MAP2K6: variants seen among roughly 807,000 people sequenced by gnomAD.
MAP2K6 encodes dual specificity mitogen-activated protein kinase kinase 6.
A neutral mutation model predicts 53.7 loss-of-function variants in MAP2K6; 16 were observed. That is an observed-to-expected ratio of 0.30 (90% CI 0.20 to 0.45). The LOEUF is 0.45. MAP2K6 is among the 20% of genes least tolerant of loss of function. The pLI, the probability that MAP2K6 is intolerant of heterozygous loss-of-function variation, is 1.00. For missense variants in MAP2K6, 204 were observed against 411.9 expected (o/e 0.50, Z 4.37); for synonymous variants, 132 against 143.1 (o/e 0.92, Z 0.55).
At chr17:69,435,005 G>A (rs1042886199) in intron 1 of MAP2K6, 2 of 152,184 alleles carry the variant, frequency 1.3e-5, no homozygotes, top group African/African-American at 4.8e-5. Context: ...GCTAGCAGAT[G>A]AAATAACTCA....
chr17:69,496,142 T>G (rs1027853411), intron 1 of MAP2K6, among the ~76,000 whole-genome samples: 1 of 152,150 alleles, frequency 6.6e-6, no homozygotes, highest in African/African-American at 2.4e-5. Context: ...GCACTTTTAT[T>G]CTCTTAAAAT....
intron 1 of MAP2K6, chr17:69,477,281 C>T (rs1401575242): frequency 6.6e-6 from 1 of 152,190 alleles, no homozygotes; most frequent in African/African-American, 2.4e-5. Flanking sequence ...CTAGGAGACT[C>T]ATGAAATTTA....
chr17:69,444,580 G>T (rs1024331868), intron 1 of MAP2K6, among the ~76,000 whole-genome samples: 1 of 152,116 alleles, frequency 6.6e-6, no homozygotes. Flanking sequence ...CTCCCCAACC[G>T]GATGGAGCTG....
At chr17:69,417,731 C>T (rs1415431434) in intron 1 of MAP2K6, among the ~76,000 whole-genome samples, 1 of 151,456 alleles carries the variant, frequency 6.6e-6, no homozygotes, top group African/African-American at 2.4e-5. Flanking sequence ...AAAAATGTGT[C>T]ATCTACACTA....
intron 10 of MAP2K6, among the ~76,000 whole-genome samples, chr17:69,529,094 G>T (rs1027700118): frequency 1.3e-5 from 2 of 152,054 alleles, no homozygotes; most frequent in Non-Finnish European, 2.9e-5. Flanking sequence ...GTCTACCATT[G>T]TGAATCACCA....
At chr17:69,450,101 ATTTTTTTTT>A (rs55956707) in intron 1 of MAP2K6, among the ~76,000 whole-genome samples, 5 of 124,902 alleles carry the variant, frequency 4.0e-5, no homozygotes, top group East Asian at 2.3e-4. Context: ...CACCTGGCTA[ATTTTTTTTT>A]TTTTTTTTTT....
intron 1 of MAP2K6, among the ~76,000 whole-genome samples, chr17:69,452,410 A>G (rs1907261590): frequency 6.6e-6 from 1 of 152,136 alleles, no homozygotes; most frequent in Non-Finnish European, 1.5e-5. Flanking sequence ...TGAATCCACA[A>G]TTCATTACCA....
At chr17:69,470,963 T>C (rs1343354424) in intron 1 of MAP2K6, among the ~76,000 whole-genome samples, 1 of 152,200 alleles carries the variant, frequency 6.6e-6, no homozygotes, top group Admixed American at 6.5e-5. Context: ...TGGCTGTTTA[T>C]AGGGGCAGAG....
chr17:69,472,322 G>A (rs758217270), intron 1 of MAP2K6, among the ~76,000 whole-genome samples: 14 of 152,168 alleles, frequency 9.2e-5, no homozygotes, highest in African/African-American at 2.2e-4. Context: ...AATATGCATC[G>A]TTATAAGCAA....
chr17:69,462,307 T>C (rs1345446645), intron 1 of MAP2K6, among the ~76,000 whole-genome samples: 1 of 151,806 alleles, frequency 6.6e-6, no homozygotes, highest in Admixed American at 6.6e-5. Context: ...ATTACGAGAG[T>C]AAAGAGATGC....
At chr17:69,431,956 C>T (rs1249832319) in intron 1 of MAP2K6, among the ~76,000 whole-genome samples, 3 of 152,160 alleles carry the variant, frequency 2.0e-5, no homozygotes, top group South Asian at 4.1e-4. Flanking sequence ...GCCGGATTGG[C>T]TGGATCTGAG....
chr17:69,484,475 T>C (rs954776477), intron 1 of MAP2K6, among the ~76,000 whole-genome samples: 4 of 151,982 alleles, frequency 2.6e-5, no homozygotes, highest in Non-Finnish European at 5.9e-5. Flanking sequence ...ACATTGCTGA[T>C]GGGAACGTAA....
chr17:69,472,577 G>T (rs1159162199), intron 1 of MAP2K6, among the ~76,000 whole-genome samples: 4 of 152,156 alleles, frequency 2.6e-5, no homozygotes, highest in African/African-American at 9.7e-5. Context: ...GGGTGAGGGT[G>T]GGTGCACCCT....
intron 1 of MAP2K6, among the ~76,000 whole-genome samples, chr17:69,426,828 G>A (rs995169823): frequency 6.6e-6 from 1 of 151,634 alleles, no homozygotes; most frequent in Admixed American, 6.6e-5. Flanking sequence ...AAATGCCCCA[G>A]CAAAGTATCT....
rs950068264 is a variant in MAP2K6, at chr17:69,526,278, G to A, written c.742-292G>A. 1.1e-4 allele frequency among the ~76,000 whole-genome samples: 16 copies of A among 152,104 alleles called. No individual in the cohort carries two copies. In the East Asian group the frequency reaches 1.3e-3, roughly 13 times the overall value. On this transcript the variant is annotated intron_variant, in intron 9 of 11. Coordinates refer to ENST00000590474, the MANE Select transcript of MAP2K6 (RefSeq NM_002758.4). ...AGCTTTACATCCTGAAGTTTAATACGGTTGGCTTACAATTTTTATGAAGTG... is the reference window on the plus strand; with the variant it reads ...AGCTTTACATCCTGAAGTTTAATACAGTTGGCTTACAATTTTTATGAAGTG...
chr17:69,420,492 T>A (rs1391406536), intron 1 of MAP2K6, among the ~76,000 whole-genome samples: 1 of 152,218 alleles, frequency 6.6e-6, no homozygotes, highest in Non-Finnish European at 1.5e-5. Flanking sequence ...AACATATCCT[T>A]AACATAGCCT....
rs1911757148 is a variant in MAP2K6, at chr17:69,543,654, C to T, written c.*1901C>T. ...TGTATTCCTTACTTTATTCACCCAC[C>T]TATGAAAACAGGAAGCAATAGGAAA... On this transcript the variant is annotated 3_prime_UTR_variant, in exon 12 of 12. Transcript: ENST00000590474. The T allele has an allele frequency of 1.3e-5, 2 of 152,080 alleles. No homozygotes were observed. Among genetic ancestry groups the T allele is most frequent in the African/African-American group, 4.8e-5 (2 of 41,390 alleles). 9.4% of individuals were successfully genotyped at this position (152,080 alleles called of 1,614,324 possible).
chr17:69,502,408 A>C, intron 1 of MAP2K6: 2 of 985,422 alleles, frequency 2.0e-6, no homozygotes, highest in Non-Finnish European at 2.4e-6. Flanking sequence ...GCTCTGTCAG[A>C]GATGGGCAAG....
intron 1 of MAP2K6, among the ~76,000 whole-genome samples, chr17:69,467,384 T>C (rs963903767): frequency 7.9e-5 from 12 of 152,214 alleles, no homozygotes; most frequent in Admixed American, 5.2e-4. Flanking sequence ...TGGTGCTCAT[T>C]GGCTGATGTT....
Sources: allele counts gnomAD v4.1 joint callset (sites outside exome capture counted in the v4.1 genomes callset), GRCh38; gene constraint gnomAD v4.1.1; transcripts MANE v1.5; gene names NCBI Gene and HGNC (gene_info 2026-07-23, HGNC 2026-07-21).